The following AMPH variants were observed in gnomAD, a reference collection of about 807,000 sequenced individuals.
AMPH encodes amphiphysin.
In AMPH, 49 loss-of-function variants were observed where a neutral mutation model predicts 99.1. That is an observed-to-expected ratio of 0.49 (90% CI 0.39 to 0.63). The LOEUF (loss-of-function observed/expected upper bound fraction) is 0.63, where lower values mean the gene tolerates loss of function less well. Among genes scored for constraint, AMPH ranks in the 20% least tolerant of loss-of-function variants. AMPH has a pLI of 0.00. For missense variants in AMPH, 759 were observed against 863.4 expected (o/e 0.88, Z 1.52); for synonymous variants, 314 against 317.3 (o/e 0.99, Z 0.11).
chr7:38,496,839 A>G (rs879627781), intron 3 of AMPH, among the ~76,000 whole-genome samples: 2 of 152,178 alleles, frequency 1.3e-5, no homozygotes, highest in Admixed American at 6.5e-5. Context: ...GAAACTATAC[A>G]CAACTGTGTA....
chr7:38,616,775 T>C (rs1793887528), intron 1 of AMPH, among the ~76,000 whole-genome samples: 1 of 152,062 alleles, frequency 6.6e-6, no homozygotes, highest in Non-Finnish European at 1.5e-5. Flanking sequence ...TTATACAAGG[T>C]TCAAGAACAA....
chr7:38,448,617 T>C (rs964737817), intron 11 of AMPH, among the ~76,000 whole-genome samples: 1 of 152,216 alleles, frequency 6.6e-6, no homozygotes, highest in Non-Finnish European at 1.5e-5. Flanking sequence ...AATATCTTAC[T>C]GTTATGTAGT....
chr7:38,487,178 T>C (rs1327274622), intron 5 of AMPH, among the ~76,000 whole-genome samples: 1 of 152,082 alleles, frequency 6.6e-6, no homozygotes, highest in Non-Finnish European at 1.5e-5. Context: ...ACAAAAAAAC[T>C]GCCAGAACTA....
chr7:38,407,843 T>C (rs572628435), intron 17 of AMPH, among the ~76,000 whole-genome samples: 33 of 152,294 alleles, frequency 2.2e-4, no homozygotes, highest in Non-Finnish European at 4.1e-4. Context: ...GGCTTACTGA[T>C]TTACCCCAAA....
chr7:38,596,821 C>T (rs1030931465), intron 1 of AMPH, among the ~76,000 whole-genome samples: 14 of 152,098 alleles, frequency 9.2e-5, no homozygotes, highest in Admixed American at 3.3e-4. Context: ...CCACTGCCAG[C>T]ACCCTGAGGT....
Position 38,461,318 on chromosome 7 carries a change from A to G in AMPH, c.982T>C (p.Phe328Leu). Residue 328 changes from phenylalanine to leucine, a missense_variant, in exon 11 of 21, where the codon TTT becomes CTT. Phe to Leu is a conservative substitution (Grantham distance 22, BLOSUM62 0). Transcript: ENST00000356264. ...ENIISFFEDN[F>L]VPEISVTTPS... is the part of the protein sequence containing the mutation. ...GTTGTCACACTGATTTCTGGAACAAAGTTGTCCTCAAAGAAACTGATGATG... is the reference window on the plus strand; with the variant it reads ...GTTGTCACACTGATTTCTGGAACAAGGTTGTCCTCAAAGAAACTGATGATG... 6.2e-7 allele frequency: 1 copy of G among 1,614,108 alleles called. No individual in the cohort carries two copies. Among genetic ancestry groups the G allele is most frequent in the South Asian group, 1.1e-5 (1 of 91,078 alleles).
chr7:38,390,872 T>C (rs752428161), intron 19 of AMPH, among the ~76,000 whole-genome samples: 1 of 151,864 alleles, frequency 6.6e-6, no homozygotes, highest in Non-Finnish European at 1.5e-5. Flanking sequence ...TTCCTCCAAA[T>C]TAATTTATTC....
At chr7:38,508,478 T>C (rs1789417000) in intron 2 of AMPH, among the ~76,000 whole-genome samples, 2 of 152,098 alleles carry the variant, frequency 1.3e-5, no homozygotes, top group Non-Finnish European at 2.9e-5. Flanking sequence ...AGGAAGAAAA[T>C]ATCACACACG....
chr7:38,579,978 T>C (rs1354086051), intron 1 of AMPH, among the ~76,000 whole-genome samples: 1 of 152,160 alleles, frequency 6.6e-6, no homozygotes, highest in Non-Finnish European at 1.5e-5. Flanking sequence ...AAAAGCACTG[T>C]CACATAAACA....
intron 2 of AMPH, among the ~76,000 whole-genome samples, chr7:38,517,347 T>C (rs1789788245): frequency 6.6e-6 from 1 of 152,166 alleles, no homozygotes; most frequent in Non-Finnish European, 1.5e-5. Flanking sequence ...CTCATAATAG[T>C]GAGTGAGTTC....
At chr7:38,535,397 CA>C (rs1194064324) in intron 1 of AMPH, among the ~76,000 whole-genome samples, 1 of 152,194 alleles carries the variant, frequency 6.6e-6, no homozygotes, top group Non-Finnish European at 1.5e-5. Context: ...TGCTTGTGAA[CA>C]GTAGACCAAA....
intron 1 of AMPH, among the ~76,000 whole-genome samples, chr7:38,572,553 T>C (rs1201978256): frequency 6.6e-6 from 1 of 151,918 alleles, no homozygotes; most frequent in African/African-American, 2.4e-5. Flanking sequence ...GATTAGCAAA[T>C]GTGGAAGGCT....
chr7:38,578,687 T>C lies in AMPH; in HGVS notation c.70-43676A>G, dbSNP rs985455574. ...GGGAGGCTAAGGCAGGAGGATCACT[T>C]AAGCCCAGGAGTTTGGGTTGCAGTG... On this transcript the variant is annotated intron_variant, in intron 1 of 20. Transcript: ENST00000356264. Among the ~76,000 whole-genome samples the C allele has an allele frequency of 2.0e-5, 3 of 152,274 alleles. No individual in the cohort carries two copies. In the East Asian group the frequency reaches 5.8e-4, roughly 29 times the overall value.
intron 3 of AMPH, among the ~76,000 whole-genome samples, chr7:38,495,125 G>A (rs938263579): frequency 1.3e-5 from 2 of 152,130 alleles, no homozygotes; most frequent in Admixed American, 6.5e-5. Flanking sequence ...CTTACTTAAT[G>A]TCATCTATAG....
At chr7:38,597,644 A>C (rs1235803765) in intron 1 of AMPH, among the ~76,000 whole-genome samples, 1 of 152,130 alleles carries the variant, frequency 6.6e-6, no homozygotes, top group African/African-American at 2.4e-5. Flanking sequence ...GGCAAAAATT[A>C]CTCCTACCAA....
chr7:38,570,704 T>TA (rs34570683), intron 1 of AMPH, among the ~76,000 whole-genome samples: 37,477 of 147,836 alleles, frequency 0.25, 4,958 homozygotes, highest in Non-Finnish European at 0.3. Context: ...TCCCATCGAT[T>TA]AAAAAAAAAT....
chr7:38,443,140 T>G (rs1562758580), intron 11 of AMPH, among the ~76,000 whole-genome samples: 1 of 152,046 alleles, frequency 6.6e-6, no homozygotes, highest in East Asian at 1.9e-4. Flanking sequence ...ACAGATTTCA[T>G]GAGAAACACA....
intron 5 of AMPH, among the ~76,000 whole-genome samples, chr7:38,485,928 G>A (rs1171982563): frequency 2.6e-5 from 4 of 151,804 alleles, no homozygotes; most frequent in Non-Finnish European, 4.4e-5. Context: ...CAGCACAAAT[G>A]AAAACTAAAA....
intron 16 of AMPH, among the ~76,000 whole-genome samples, chr7:38,420,169 C>T (rs993126418): frequency 1.3e-5 from 2 of 152,128 alleles, no homozygotes; most frequent in African/African-American, 4.8e-5. Flanking sequence ...GATAGTATAG[C>T]TCACTAAATG....
Sources: gnomAD v4.1 joint callset for allele counts (sites outside exome capture counted in the v4.1 genomes callset) on GRCh38, gnomAD v4.1.1 for gene constraint, MANE v1.5 for transcripts, NCBI Gene and HGNC (gene_info 2026-07-23, HGNC 2026-07-21) for gene names.